The following USP49 variants were observed in gnomAD, a reference collection of about 807,000 sequenced individuals.
The protein encoded by USP49 is ubiquitin carboxyl-terminal hydrolase 49.
USP49 carries 24 observed loss-of-function variants against 58.6 expected under a neutral mutation model. The ratio of observed to expected loss-of-function variants is 0.41; its 90% confidence interval spans 0.30 to 0.58. USP49 has a LOEUF of 0.58. Ranked by LOEUF, USP49 falls within the 20% of genes least tolerant of loss-of-function variation. The probability of loss-of-function intolerance (pLI) is 0.30; values close to 1 mark genes in which losing one functional copy is unlikely to be tolerated. For synonymous variants in USP49, 408 were observed against 365.1 expected, an observed-to-expected ratio of 1.12 and a Z score of -1.34; for missense variants, 703 against 866.1, an observed-to-expected ratio of 0.81 and a Z score of 2.36.
intron 3 of USP49, among the ~76,000 whole-genome samples, chr6:41,817,164 TTTTG>T (rs1435216263): frequency 1.2e-4 from 17 of 142,250 alleles, no homozygotes; most frequent in African/African-American, 4.4e-4. Context: ...TTTTTTTTTT[TTTTG>T]AGACAGAGTC....
At chr6:41,824,408 T>TA (rs551195694) in intron 3 of USP49, among the ~76,000 whole-genome samples, 99 of 145,210 alleles carry the variant, frequency 6.8e-4, no homozygotes, top group South Asian at 1.7e-3. Context: ...TTTAGATGTT[T>TA]AAAAAAAAAA....
rs752008991 is a variant in USP49, at chr6:41,806,309, G to A, written c.675C>T (p.Arg225=). 7.0e-6 allele frequency: 11 copies of A among 1,574,136 alleles called. No homozygotes were observed. The highest frequency in any genetic ancestry group is 1.3e-5 in the African/African-American group (1 of 74,150). The change falls in exon 4 of 8, where the codon CGC becomes CGT. Residue 225 remains arginine, a synonymous_variant. Coordinates refer to ENST00000682992, the MANE Select transcript of USP49 (RefSeq NM_001286554.2). This position sits in a 1 kb window ranked among gnomAD's most constrained non-coding sequence, Gnocchi z 5.9. ...TGCGTGAGGTAGGGAGGGCGGCGGG[G>A]CGCGAGGCAGCCGGGCCCGCGTCGC... ...TPRDAGPAAS[R]PAALPTSRRV...
In USP49 at chr6:41,806,775, C is replaced by T. The variant is rs139687733; in HGVS notation, c.209G>A (p.Arg70Gln). 3.2e-5 allele frequency: 51 copies of T among 1,614,192 alleles called. No homozygotes were observed. Among genetic ancestry groups the T allele is most frequent in the Non-Finnish European group, 4.1e-5 (48 of 1,180,010 alleles). Residue 70 changes from arginine to glutamine, a missense_variant, in exon 4 of 8, where the codon CGG becomes CAG. Physicochemically the swap from Arg to Gln is conservative, Grantham distance 43. Transcript: ENST00000682992. This position sits in a 1 kb window ranked among gnomAD's most constrained non-coding sequence, Gnocchi z 5.9. ...ETGHPLAMEV[R>Q]DLYVFCYLCK... ...CAGGTAACAGAACACGTAGAGATCC[C>T]GGACTTCCATGGCTAGCGGGTGTCC...
intron 5 of USP49, among the ~76,000 whole-genome samples, chr6:41,801,509 A>ATGGAATTCACAGAGGGGCT (rs1772997041): frequency 6.6e-6 from 1 of 152,230 alleles, no homozygotes; most frequent in Non-Finnish European, 1.5e-5. Context: ...ATGAACAGAA[A>ATGGAATTCACAGAGGGGCT]TGGAATTCAC....
chr6:41,826,157 C>T lies in USP49; in HGVS notation c.-28-19146G>A, dbSNP rs1298611527. On this transcript the variant is annotated intron_variant, in intron 3 of 7. Transcript: ENST00000682992. ...GCATGCACCTGTAGTCCCAGCTACT[C>T]AGGAGGCTGAGGTGGGAAGATCAAT... is the stretch of plus-strand genomic sequence containing the variant. Among the ~76,000 whole-genome samples the T allele has an allele frequency of 3.9e-5, 6 of 152,088 alleles. No individual in the cohort carries two copies. The South Asian group carries it at 1.2e-3, about 32-fold the overall frequency.
In USP49 at chr6:41,798,938, T is replaced by TG. The variant is rs781196831; in HGVS notation, c.1671-10dup. ...GATTACGGCCAGACCACCTAGAACA[T>TG]GGATATAAGCTTGTTACTAGTAAAA... On this transcript the variant is annotated splice_polypyrimidine_tract_variant and intron_variant, in intron 6 of 7. Transcript: ENST00000682992. 2 of 1,612,870 alleles carry TG rather than the reference T, an allele frequency of 1.2e-6. No homozygotes were observed. Among genetic ancestry groups the TG allele is most frequent in the South Asian group, 2.2e-5 (2 of 91,028 alleles).
Position 41,853,040 on chromosome 6 carries a change from G to C in USP49, c.-29+18524C>G, listed in dbSNP as rs2127351184. On this transcript the variant is annotated intron_variant, in intron 3 of 7. Transcript: ENST00000682992. Reference sequence around the variant, plus strand: ...ATCTCTACTAAAAATACAAAAATTAGCTGGGCATGGTGGCCTGCGCCTGTA... The same window carrying C: ...ATCTCTACTAAAAATACAAAAATTACCTGGGCATGGTGGCCTGCGCCTGTA... Among the ~76,000 whole-genome samples, 6 of 152,278 alleles carry C rather than the reference G, an allele frequency of 3.9e-5. No individual in the cohort carries two copies. The South Asian group carries it at 1.2e-3, about 32-fold the overall frequency.
At chr6:41,874,174 G>A (rs900175965) in intron 2 of USP49, 2 of 152,168 alleles carry the variant, frequency 1.3e-5, no homozygotes, top group African/African-American at 4.8e-5. Flanking sequence ...TCAACATCAT[G>A]GTGTCCATTT....
At position 41,795,415 on chromosome 6, in the gene USP49, T is replaced by C. The variant is rs745998817; in HGVS notation, c.*1118A>G. ...CTGAGTATGGGGGGTAAAGCAACAGTAGGGATTATCAGATTTGGGAGGAAA... is the reference window on the plus strand; with the variant it reads ...CTGAGTATGGGGGGTAAAGCAACAGCAGGGATTATCAGATTTGGGAGGAAA... On this transcript the variant is annotated 3_prime_UTR_variant, in exon 8 of 8. Transcript: ENST00000682992. 3 of 152,090 alleles carry C rather than the reference T, an allele frequency of 2.0e-5. No individual in the cohort carries two copies. The highest frequency in any genetic ancestry group is 4.4e-5 in the Non-Finnish European group (3 of 68,026). 9.4% of individuals were successfully genotyped at this position (152,090 alleles called of 1,614,324 possible).
rs151108706 is a variant in USP49 at position 41,865,205 on chromosome 6, C to T, written c.-29+6359G>A. Among the ~76,000 whole-genome samples the T allele has an allele frequency of 3.2e-3, 483 of 152,038 alleles. 2 individuals carry two copies. Among genetic ancestry groups the T allele is most frequent in the African/African-American group, 0.011 (452 of 41,510 alleles). ...GATTACAGGCACCCGCCATCATGCC[C>T]GGCTAATTTTTGTATTTTTTGTAGA... On this transcript the variant is annotated intron_variant, in intron 3 of 7. Transcript: ENST00000682992.
intron 2 of USP49, chr6:41,872,977 AG>A (rs1774440580): frequency 6.6e-6 from 1 of 152,096 alleles, no homozygotes; most frequent in Non-Finnish European, 1.5e-5. Context: ...CCCTTGGAGT[AG>A]GTGGTTTGCT....
At chr6:41,874,478 A>G (rs1315438026) in intron 2 of USP49, among the ~76,000 whole-genome samples, 3 of 152,236 alleles carry the variant, frequency 2.0e-5, no homozygotes, top group Non-Finnish European at 4.4e-5. Context: ...AGCAACACTG[A>G]TAACAGTGTT....
At position 41,887,315 on chromosome 6, in the gene USP49, AG is replaced by A. The variant is rs1582041073; in HGVS notation, c.-103+4478del. 7 of 152,332 alleles carry A rather than the reference AG, an allele frequency of 4.6e-5. No individual in the cohort carries two copies. The East Asian group carries it at 1.4e-3, about 29-fold the overall frequency. 9.4% of individuals were successfully genotyped at this position (152,332 alleles called of 1,614,324 possible). A position where few individuals can be genotyped will look rare whatever the true frequency, so the allele number is the denominator to read the frequency against. On this transcript the variant is annotated intron_variant, in intron 2 of 7. Transcript: ENST00000682992. ...CTCCCATCTTTCACACAATTTGCCC[AG>A]CAAAAGAAGCACTGCTGGGTTCTAA...
intron 2 of USP49, among the ~76,000 whole-genome samples, chr6:41,888,431 A>G (rs1468711093): frequency 6.6e-6 from 1 of 152,012 alleles, no homozygotes; most frequent in Non-Finnish European, 1.5e-5. Flanking sequence ...AAGGAAAAGA[A>G]GCCCACAAGT....
At chr6:41,814,403 G>A (rs919892705) in intron 3 of USP49, among the ~76,000 whole-genome samples, 1 of 152,038 alleles carries the variant, frequency 6.6e-6, no homozygotes, top group Non-Finnish European at 1.5e-5. Context: ...CTTTTGTTCT[G>A]ATGAAAAACT....
Position 41,801,745 on chromosome 6 carries a change from G to A in USP49, c.1562-1807C>T, listed in dbSNP as rs556210663. On this transcript the variant is annotated intron_variant, in intron 5 of 7. Transcript: ENST00000682992. ...ATCAGTTCTGTCTCCATTTCATTAA[G>A]CTGGCCAGGAAGACAGGTAGAAGAC... is the stretch of plus-strand genomic sequence containing the variant. 2.0e-5 allele frequency among the ~76,000 whole-genome samples: 3 copies of A among 152,274 alleles called. No homozygotes were observed. The East Asian group carries it at 5.8e-4, about 29-fold the overall frequency.
intron 3 of USP49, among the ~76,000 whole-genome samples, chr6:41,817,774 C>G (rs562714519): frequency 6.6e-6 from 1 of 152,080 alleles, no homozygotes; most frequent in African/African-American, 2.4e-5. Flanking sequence ...CACCACAATG[C>G]CCAACTAATT....
At position 41,805,822 on chromosome 6, in the gene USP49, G is replaced by C; in HGVS notation, c.1162C>G (p.Leu388Val). ...TCGTAGCCGCGGAAGGCAGGGATCA[G>C]GCTCCACACTGAGTGGAGCATGGCG... ...PFAMLHSVWS[L>V]IPAFRGYDQQ... is the part of the protein sequence containing the mutation. Residue 388 changes from leucine to valine, a missense_variant, in exon 4 of 8, where the codon CTG becomes GTG. Coordinates refer to ENST00000682992, the MANE Select transcript of USP49 (RefSeq NM_001286554.2). The C allele has an allele frequency of 1.2e-6, 2 of 1,614,040 alleles. No homozygotes were observed. Among genetic ancestry groups the C allele is most frequent in the Non-Finnish European group, 1.7e-6 (2 of 1,180,004 alleles).
rs1277166383 is a variant in USP49 at position 41,824,655 on chromosome 6, G to A, written c.-28-17644C>T. Among the ~76,000 whole-genome samples, 5 of 152,118 alleles carry A rather than the reference G, an allele frequency of 3.3e-5. No individual in the cohort carries two copies. In the East Asian group the frequency reaches 5.8e-4, roughly 18 times the overall value. On this transcript the variant is annotated intron_variant, in intron 3 of 7. Coordinates refer to ENST00000682992, the MANE Select transcript of USP49 (RefSeq NM_001286554.2). ...TGGGAAGCAGAGGTTGTGGTGAGCC[G>A]AGATCGCGCCATTGCACTCCAGCCT...
Sources: gnomAD v4.1 joint callset for allele counts (sites outside exome capture counted in the v4.1 genomes callset) on GRCh38, gnomAD v4.1.1 for gene constraint, Gnocchi (gnomAD v3.1) non-coding constraint, MANE v1.5 for transcripts, NCBI Gene and HGNC (gene_info 2026-07-23, HGNC 2026-07-21) for gene names.